Variants in SLC5A12 observed in about 807,000 individuals in gnomAD.
SLC5A12 encodes sodium-coupled monocarboxylate transporter 2.
Under a neutral mutation model 72.7 loss-of-function variants are expected in SLC5A12, and 46 were observed. The ratio of observed to expected loss-of-function variants is 0.63; its 90% CI spans 0.50 to 0.81. The LOEUF is 0.81. Among genes scored for constraint, SLC5A12 ranks in the 30% least tolerant of loss-of-function variants. SLC5A12 has a pLI of 0.00. For synonymous variants in SLC5A12, 275 were observed against 264.4 expected, an observed-to-expected ratio of 1.04 and a Z score of -0.39; for missense variants, 683 against 740.7, an observed-to-expected ratio of 0.92 and a Z score of 0.90.
intron 14 of SLC5A12, among the ~76,000 whole-genome samples, chr11:26,672,812 G>A (rs1854174384): frequency 6.6e-6 from 1 of 152,106 alleles, no homozygotes; most frequent in Admixed American, 6.6e-5. Context: ...AATAAAGAGA[G>A]CTAGGGAGTT....
rs1565179522 is a variant in SLC5A12 at position 26,669,200 on chromosome 11, T to TTTCTTTCTTTCTTTCTTTCTTTC, written c.*1901_*1902insGAAAGAAAGAAAGAAAGAAAGAA. The TTTCTTTCTTTCTTTCTTTCTTTC allele has an allele frequency of 6.6e-4, 91 of 137,406 alleles. No homozygotes were observed. Among genetic ancestry groups the TTTCTTTCTTTCTTTCTTTCTTTC allele is most frequent in the African/African-American group, 2.6e-3 (90 of 34,954 alleles). The allele number at this position is 137,406 out of a possible 1,614,324, so 8.5% of individuals were successfully genotyped here. A position where few individuals can be genotyped will look rare whatever the true frequency, so the allele number is the denominator to read the frequency against. On this transcript the variant is annotated 3_prime_UTR_variant, in exon 15 of 15. Transcript: ENST00000396005. ...CTTTCTTTCTTCTTTTCTTTCTTTC[T>TTTCTTTCTTTCTTTCTTTCTTTC]TTCTTTCTTTCTTTCTTTCTCTCTC...
At chr11:26,705,321 T>G (rs930656066) in intron 4 of SLC5A12, among the ~76,000 whole-genome samples, 1 of 151,888 alleles carries the variant, frequency 6.6e-6, no homozygotes, top group Non-Finnish European at 1.5e-5. Flanking sequence ...GATGAGCAAG[T>G]GGGGAAAGAT....
chr11:26,671,210 T>C lies in SLC5A12; in HGVS notation c.1749A>G (p.Glu583=), dbSNP rs759232262. The change falls in exon 15 of 15, where the codon GAA becomes GAG. Residue 583 remains glutamate, a synonymous_variant. Coordinates refer to ENST00000396005, the MANE Select transcript of SLC5A12 (RefSeq NM_178498.4). ...ENGSARKQGA[E]SVLQNGLRRE... is the part of the protein sequence containing the mutation. ...TTCTGAGTCCGTTCTGTAAGACAGA[T>C]TCAGCCCCCTGTTTCCGGGCACTGC... 6.2e-7 allele frequency: 1 copy of C among 1,607,914 alleles called. No homozygotes were observed. Among genetic ancestry groups the C allele is most frequent in the Non-Finnish European group, 8.5e-7 (1 of 1,177,238 alleles).
At chr11:26,710,601 T>C (rs192020034) in intron 3 of SLC5A12, among the ~76,000 whole-genome samples, 1 of 152,120 alleles carries the variant, frequency 6.6e-6, no homozygotes. Context: ...TTACCAGTGA[T>C]CTTTGACTTC....
chr11:26,682,827 G>A (rs1323694641), intron 11 of SLC5A12, among the ~76,000 whole-genome samples: 1 of 151,972 alleles, frequency 6.6e-6, no homozygotes, highest in Non-Finnish European at 1.5e-5. Context: ...TAATATTCTT[G>A]TCAACCCCAA....
chr11:26,712,587 C>A, intron 2 of SLC5A12, 54 bp downstream of exon 2: 2 of 1,367,152 alleles, frequency 1.5e-6, no homozygotes, highest in Non-Finnish European at 2.0e-6. Flanking sequence ...AATAAACAAA[C>A]CTATATCTAG....
Position 26,690,580 on chromosome 11 carries a change from G to T in SLC5A12, c.1153+1909C>A, listed in dbSNP as rs574853922. 1.3e-4 allele frequency among the ~76,000 whole-genome samples: 20 copies of T among 151,048 alleles called. No homozygotes were observed. In the South Asian group the frequency reaches 4.0e-3, roughly 30 times the overall value. On this transcript the variant is annotated intron_variant, in intron 9 of 14. Coordinates refer to ENST00000396005, the MANE Select transcript of SLC5A12 (RefSeq NM_178498.4). ...AATTCTAGCACTTTGGGAGGCCAAGGCCGGGGGATCACCTGAGGTTGGGAC... is the reference window on the plus strand; with the variant it reads ...AATTCTAGCACTTTGGGAGGCCAAGTCCGGGGGATCACCTGAGGTTGGGAC...
chr11:26,700,531 A>AAATAAATAAATAAATAAATC (rs1442086380), intron 6 of SLC5A12, among the ~76,000 whole-genome samples: 1 of 152,096 alleles, frequency 6.6e-6, no homozygotes, highest in African/African-American at 2.4e-5. Flanking sequence ...ATAAATAAAT[A>AAATAAATAAATAAATAAATC]AATCAGATAA....
intron 9 of SLC5A12, chr11:26,692,219 G>T: frequency 3.6e-6 from 1 of 277,348 alleles, no homozygotes; most frequent in South Asian, 9.3e-5. Context: ...GCGGCCCACA[G>T]GCCGTGGGTT....
At chr11:26,691,444 G>A (rs762366242) in intron 9 of SLC5A12, among the ~76,000 whole-genome samples, 2 of 149,952 alleles carry the variant, frequency 1.3e-5, no homozygotes, top group Non-Finnish European at 2.9e-5. Flanking sequence ...TACAGATGCA[G>A]TCGAAGGTTT....
intron 1 of SLC5A12, among the ~76,000 whole-genome samples, chr11:26,719,626 T>C (rs1855431601): frequency 6.6e-6 from 1 of 152,202 alleles, no homozygotes; most frequent in South Asian, 2.1e-4. Flanking sequence ...ACTCCTTTTC[T>C]AGGGCCTTTG....
chr11:26,718,253 G>T (rs576493984), intron 1 of SLC5A12, among the ~76,000 whole-genome samples: 10 of 152,226 alleles, frequency 6.6e-5, no homozygotes, highest in African/African-American at 2.2e-4. Context: ...TTTACTATTT[G>T]CCAGGCTCTG....
intron 1 of SLC5A12, among the ~76,000 whole-genome samples, chr11:26,720,120 C>T (rs970964520): frequency 2.0e-5 from 3 of 152,060 alleles, no homozygotes; most frequent in African/African-American, 7.2e-5. Flanking sequence ...TGTTTATTGA[C>T]TGCCCTTCTC....
At position 26,718,491 on chromosome 11, in the gene SLC5A12, A is replaced by G. The variant is rs138559160; in HGVS notation, c.339+2885T>C. Among the ~76,000 whole-genome samples, 313 of 152,222 alleles carry G rather than the reference A, an allele frequency of 2.1e-3. 8 individuals carry two copies. Among genetic ancestry groups the G allele is most frequent in the East Asian group, 0.015 (75 of 5,166 alleles). On this transcript the variant is annotated intron_variant, in intron 1 of 14. Transcript: ENST00000396005. ...TTTATTTTTTTAAAGACAGAGTCTC[A>G]CTCTGTTGCCCAGGTTGGAGTGCAG...
chr11:26,691,094 A>C (rs952704041), intron 9 of SLC5A12, among the ~76,000 whole-genome samples: 3 of 152,106 alleles, frequency 2.0e-5, no homozygotes, highest in Non-Finnish European at 4.4e-5. Context: ...GAGATTTTAC[A>C]AACAATAAAA....
intron 1 of SLC5A12, among the ~76,000 whole-genome samples, chr11:26,714,367 T>C (rs1256412817): frequency 6.6e-6 from 1 of 152,142 alleles, no homozygotes; most frequent in African/African-American, 2.4e-5. Flanking sequence ...TCTTACAGAT[T>C]AGACGAAGTG....
At chr11:26,718,528 A>C (rs1005092989) in intron 1 of SLC5A12, among the ~76,000 whole-genome samples, 5 of 151,958 alleles carry the variant, frequency 3.3e-5, no homozygotes, top group African/African-American at 1.2e-4. Context: ...GGATCTCGGC[A>C]GTTCACTGCA....
rs1029645408 is a variant in SLC5A12, at chr11:26,670,277, A to T, written c.*825T>A. ...TTCTTTTACCAAATTCTATCCTAACAACCTTCTATAGGACATTCCTTTTCT... is the reference window on the plus strand; with the variant it reads ...TTCTTTTACCAAATTCTATCCTAACTACCTTCTATAGGACATTCCTTTTCT... On this transcript the variant is annotated 3_prime_UTR_variant, in exon 15 of 15. Coordinates refer to ENST00000396005, the MANE Select transcript of SLC5A12 (RefSeq NM_178498.4). 1.2e-4 allele frequency: 18 copies of T among 152,124 alleles called. No individual in the cohort carries two copies. The highest frequency in any genetic ancestry group is 4.3e-4 in the African/African-American group (18 of 41,440). The allele number at this position is 152,124 out of a possible 1,614,324, so 9.4% of individuals were successfully genotyped here. A position where few individuals can be genotyped will look rare whatever the true frequency, so the allele number is the denominator to read the frequency against.
intron 1 of SLC5A12, 67 bp downstream of exon 1, chr11:26,721,309 A>C (rs1408730018): frequency 8.5e-7 from 1 of 1,172,834 alleles, no homozygotes. Flanking sequence ...GTGTTCTTCA[A>C]CTACCAGGTG....
Sources: gnomAD v4.1 joint callset for allele counts (sites outside exome capture counted in the v4.1 genomes callset) on GRCh38, gnomAD v4.1.1 for gene constraint, MANE v1.5 for transcripts, NCBI Gene and HGNC (gene_info 2026-07-23, HGNC 2026-07-21) for gene names.